CCDC141: variants seen among roughly 807,000 people sequenced by gnomAD.
CCDC141 encodes coiled-coil domain-containing protein 141.
CCDC141 carries 168 observed loss-of-function variants against 181.0 expected under a neutral mutation model. That is an observed-to-expected ratio of 0.93 (90% CI 0.82 to 1.05). CCDC141 has a LOEUF of 1.05. CCDC141 is among the 50% of genes least tolerant of loss of function. The pLI is 0.00. For synonymous variants in CCDC141, 666 were observed against 642.3 expected (o/e 1.04, Z -0.56); for missense variants, 1,902 against 1,788.5 (o/e 1.06, Z -1.14).
intron 2 of CCDC141, among the ~76,000 whole-genome samples, chr2:179,045,310 A>C (rs1172391432): frequency 7.4e-6 from 1 of 134,298 alleles, no homozygotes; most frequent in Non-Finnish European, 1.6e-5. Flanking sequence ...ATGATTTCCA[A>C]TTTCATCCAT....
chr2:178,893,415 T>A (rs1008512765), intron 8 of CCDC141, among the ~76,000 whole-genome samples: 1 of 152,128 alleles, frequency 6.6e-6, no homozygotes, highest in East Asian at 1.9e-4. Flanking sequence ...TTCAAACCTT[T>A]CATAAATTAC....
At chr2:178,986,450 T>C (rs960749136) in intron 2 of CCDC141, among the ~76,000 whole-genome samples, 1 of 152,170 alleles carries the variant, frequency 6.6e-6, no homozygotes, top group African/African-American at 2.4e-5. Flanking sequence ...CAACATAGTG[T>C]TGGATGTTCT....
At chr2:178,878,359 C>T (rs896126023) in intron 11 of CCDC141, among the ~76,000 whole-genome samples, 1 of 151,352 alleles carries the variant, frequency 6.6e-6, no homozygotes, top group Non-Finnish European at 1.5e-5. Context: ...AGTGCAGTGG[C>T]ACCACCATAG....
rs182080870 is a variant in CCDC141 at position 179,036,338 on chromosome 2, T to C, written c.225+10946A>G. Among the ~76,000 whole-genome samples the C allele has an allele frequency of 2.3e-3, 354 of 152,356 alleles. 3 individuals carry two copies. Among genetic ancestry groups the C allele is most frequent in the African/African-American group, 8.1e-3 (337 of 41,578 alleles). ...ATTATGTGTGATATCCGGAATATTA[T>C]GTGCCCTAACTCCATGTTGAAGAAG... On this transcript the variant is annotated intron_variant, in intron 2 of 23. Transcript: ENST00000443758.
At chr2:178,840,619 G>A (rs747508236) in intron 22 of CCDC141, among the ~76,000 whole-genome samples, 102 of 152,262 alleles carry the variant, frequency 6.7e-4, no homozygotes, top group Non-Finnish European at 1.1e-3. Context: ...AAAATCCCCC[G>A]GAGGTGAAGT....
At chr2:178,880,614 G>C (rs1421165013) in intron 11 of CCDC141, among the ~76,000 whole-genome samples, 1 of 152,064 alleles carries the variant, frequency 6.6e-6, no homozygotes, top group Non-Finnish European at 1.5e-5. Flanking sequence ...AAAGAATTGG[G>C]GATTAAACTT....
intron 8 of CCDC141, among the ~76,000 whole-genome samples, chr2:178,900,907 T>C (rs1024236083): frequency 4.6e-5 from 7 of 152,078 alleles, no homozygotes; most frequent in Non-Finnish European, 7.4e-5. Context: ...CAGTGATCTG[T>C]TAGAGAAGGA....
intron 14 of CCDC141, among the ~76,000 whole-genome samples, chr2:178,870,231 CAAAAAAAAAAAA>C (rs34625707): frequency 6.6e-5 from 4 of 60,294 alleles, no homozygotes; most frequent in East Asian, 4.5e-4. Context: ...GACTCTGTCT[CAAAAAAAAAAAA>C]AAAAAAAAAA....
At chr2:178,880,728 G>T (rs1469952795) in intron 11 of CCDC141, among the ~76,000 whole-genome samples, 1 of 152,156 alleles carries the variant, frequency 6.6e-6, no homozygotes, top group Non-Finnish European at 1.5e-5. Flanking sequence ...AACATAGGGT[G>T]TTATAAGAAT....
chr2:178,950,282 C>G (rs1375842260), intron 5 of CCDC141, among the ~76,000 whole-genome samples: 1 of 152,174 alleles, frequency 6.6e-6, no homozygotes, highest in South Asian at 2.1e-4. Flanking sequence ...TCACAGGTGA[C>G]AGTTCTAATG....
chr2:178,876,563 C>G (rs970376031), intron 12 of CCDC141: 2 of 152,130 alleles, frequency 1.3e-5, no homozygotes, highest in Admixed American at 6.6e-5. Context: ...AGACTTAATA[C>G]AAAGATTATG....
intron 2 of CCDC141, among the ~76,000 whole-genome samples, chr2:179,015,073 T>G (rs897435763): frequency 0.019 from 567 of 29,162 alleles, 18 homozygotes; most frequent in Non-Finnish European, 0.033. Flanking sequence ...CAGAGATATA[T>G]ATATATATAT....
intron 8 of CCDC141, among the ~76,000 whole-genome samples, chr2:178,903,611 T>C (rs1302075981): frequency 2.0e-5 from 1 of 48,910 alleles, no homozygotes; most frequent in African/African-American, 8.5e-5. Context: ...TGTTGTGGGG[T>C]GGGGGGAGGG....
chr2:178,860,543 CTTTTT>C (rs71023458), intron 17 of CCDC141, among the ~76,000 whole-genome samples: 22 of 51,348 alleles, frequency 4.3e-4, no homozygotes, highest in African/African-American at 1.7e-3. Flanking sequence ...AAAAACAACA[CTTTTT>C]TTTTTTTTTT....
chr2:178,993,880 A>C (rs1692167069), intron 2 of CCDC141, among the ~76,000 whole-genome samples: 1 of 152,234 alleles, frequency 6.6e-6, no homozygotes, highest in Admixed American at 6.5e-5. Flanking sequence ...GAAATCTAGC[A>C]GAGTAGTCAA....
At chr2:178,987,323 T>C (rs963022282) in intron 2 of CCDC141, among the ~76,000 whole-genome samples, 8 of 152,138 alleles carry the variant, frequency 5.3e-5, no homozygotes, top group African/African-American at 1.7e-4. Flanking sequence ...CAATTCAAGA[T>C]GGATTAAAGA....
chr2:178,980,089 T>G (rs1163880535), intron 2 of CCDC141, among the ~76,000 whole-genome samples: 1 of 152,186 alleles, frequency 6.6e-6, no homozygotes, highest in Admixed American at 6.5e-5. Flanking sequence ...AACTGATTTT[T>G]TAAGTTTTGA....
intron 2 of CCDC141, among the ~76,000 whole-genome samples, chr2:179,030,483 C>A (rs2042972434): frequency 6.6e-6 from 1 of 152,020 alleles, no homozygotes; most frequent in Non-Finnish European, 1.5e-5. Flanking sequence ...GAACACTGAA[C>A]AACAAATTAA....
intron 5 of CCDC141, among the ~76,000 whole-genome samples, chr2:178,956,488 A>T (rs941581982): frequency 6.6e-6 from 1 of 151,916 alleles, no homozygotes; most frequent in East Asian, 1.9e-4. Flanking sequence ...TTTTTTGTAG[A>T]TACAGGGTTT....
Sources: allele counts gnomAD v4.1 joint callset (sites outside exome capture counted in the v4.1 genomes callset), GRCh38; gene constraint gnomAD v4.1.1; transcripts MANE v1.5; gene names NCBI Gene and HGNC (gene_info 2026-07-23, HGNC 2026-07-21).